Variants in PHLDB2 observed in about 807,000 individuals in gnomAD.
PHLDB2 encodes pleckstrin homology like domain family B member 2, also known as pleckstrin homology-like domain family B member 2.
PHLDB2 carries 71 observed loss-of-function variants against 123.6 expected under a neutral mutation model. The ratio of observed to expected loss-of-function variants is 0.57; its 90% confidence interval spans 0.47 to 0.70. The LOEUF (loss-of-function observed/expected upper bound fraction) is 0.70, where lower values mean the gene tolerates loss of function less well. PHLDB2 is among the 30% of genes least tolerant of loss of function. PHLDB2 has a pLI of 0.00. For synonymous variants in PHLDB2, 547 were observed against 541.6 expected, an observed-to-expected ratio of 1.01 and a Z score of -0.14; for missense variants, 1,446 against 1,519.5, an observed-to-expected ratio of 0.95 and a Z score of 0.80.
rs373949073 is a variant in PHLDB2 at position 111,776,618 on chromosome 3, G to T, written c.-49+43915G>T. Among the ~76,000 whole-genome samples the T allele has an allele frequency of 3.0e-4, 45 of 152,118 alleles. No individual in the cohort carries two copies. The East Asian group carries it at 7.6e-3, about 26-fold the overall frequency. Reference sequence around the variant, plus strand: ...AGAAAACTGGAAAATGTGAAGGAAGGGATTTGTAATAACTCATACACCTAG... The same window carrying T: ...AGAAAACTGGAAAATGTGAAGGAAGTGATTTGTAATAACTCATACACCTAG... On this transcript the variant is annotated intron_variant, in intron 1 of 17. Coordinates refer to the PHLDB2 transcript ENST00000393923.
chr3:111,830,445 T>C (rs2062889605), intron 1 of PHLDB2, among the ~76,000 whole-genome samples: 1 of 149,886 alleles, frequency 6.7e-6, no homozygotes, highest in Non-Finnish European at 1.5e-5. Flanking sequence ...AAAAAGAATA[T>C]ATGTGGCTTC....
At chr3:111,769,495 T>C (rs1210607708) in intron 1 of PHLDB2, among the ~76,000 whole-genome samples, 1 of 152,224 alleles carries the variant, frequency 6.6e-6, no homozygotes, top group Non-Finnish European at 1.5e-5. Flanking sequence ...TTCCCTCATC[T>C]GAACAGTTTG....
intron 10 of PHLDB2, chr3:111,949,675 T>C (rs1577169088): frequency 1.1e-6 from 1 of 951,154 alleles, no homozygotes. Flanking sequence ...TGTGGACACA[T>C]ATATACCTTT....
At chr3:111,810,086 A>G (rs1209808954) in intron 1 of PHLDB2, among the ~76,000 whole-genome samples, 16 of 152,116 alleles carry the variant, frequency 1.1e-4, no homozygotes, top group Admixed American at 1.0e-3. Flanking sequence ...TAACAATCCT[A>G]AGGAAACACC....
At chr3:111,752,190 C>T (rs181364651) in intron 1 of PHLDB2, among the ~76,000 whole-genome samples, 172 of 150,554 alleles carry the variant, frequency 1.1e-3, no homozygotes, top group African/African-American at 4.0e-3. Flanking sequence ...TGCTTCTCTC[C>T]GCATTTCTCT....
intron 1 of PHLDB2, among the ~76,000 whole-genome samples, chr3:111,750,802 C>T (rs1291080450): frequency 4.0e-5 from 6 of 151,864 alleles, no homozygotes; most frequent in African/African-American, 7.3e-5. Context: ...AAAAATTAGC[C>T]GGGCATGGTG....
At chr3:111,814,142 T>G (rs1399970796) in intron 1 of PHLDB2, among the ~76,000 whole-genome samples, 1 of 152,150 alleles carries the variant, frequency 6.6e-6, no homozygotes. Flanking sequence ...CTGAGTGGAT[T>G]GAAGGATACA....
chr3:111,822,317 G>GTGTGTGTGTGTGTGTATA (rs1553734228), intron 1 of PHLDB2, among the ~76,000 whole-genome samples: 14 of 147,794 alleles, frequency 9.5e-5, no homozygotes, highest in African/African-American at 3.3e-4. Flanking sequence ...GTGTGTGTGT[G>GTGTGTGTGTGTGTGTATA]TATATATATA....
chr3:111,739,621 GGCTACA>G (rs2059569749), intron 1 of PHLDB2, among the ~76,000 whole-genome samples: 1 of 147,410 alleles, frequency 6.8e-6, no homozygotes, highest in African/African-American at 2.5e-5. Context: ...AATGGTCACA[GGCTACA>G]GAAAAGCTTT....
intron 1 of PHLDB2, among the ~76,000 whole-genome samples, chr3:111,826,107 A>G (rs7629571): frequency 0.21 from 31,567 of 151,802 alleles, 5,140 homozygotes; most frequent in African/African-American, 0.43. Context: ...TTCGAGACCC[A>G]CCTGGCCAAC....
chr3:111,771,182 ATGGG>A (rs1201499617), intron 1 of PHLDB2, among the ~76,000 whole-genome samples: 2 of 152,184 alleles, frequency 1.3e-5, no homozygotes, highest in African/African-American at 4.8e-5. Flanking sequence ...AGTACCACAA[ATGGG>A]TGGCTTACAC....
chr3:111,859,659 C>T (rs2108642564), intron 1 of PHLDB2, 83 bp downstream of exon 1: 1 of 985,256 alleles, frequency 1.0e-6, no homozygotes, highest in South Asian at 4.7e-5. Flanking sequence ...GACGCTGCCT[C>T]CCCCGCGGCC....
chr3:111,762,093 T>A (rs192808864), intron 1 of PHLDB2, among the ~76,000 whole-genome samples: 1 of 152,296 alleles, frequency 6.6e-6, no homozygotes, highest in African/African-American at 2.4e-5. Context: ...GACCAGCGTC[T>A]TAGCTATTAG....
At chr3:111,782,182 T>C (rs950495077) in intron 1 of PHLDB2, among the ~76,000 whole-genome samples, 8 of 152,078 alleles carry the variant, frequency 5.3e-5, no homozygotes, top group Non-Finnish European at 1.2e-4. Flanking sequence ...TAGTAGAATC[T>C]AGAGATGGGT....
intron 1 of PHLDB2, among the ~76,000 whole-genome samples, chr3:111,822,295 ATGTGTGTG>A (rs35687126): frequency 6.9e-6 from 1 of 144,030 alleles, no homozygotes; most frequent in Non-Finnish European, 1.5e-5. Flanking sequence ...ATCTTTATGT[ATGTGTGTG>A]TGTGTGTGTG....
chr3:111,942,361 T>C (rs1307129601), intron 8 of PHLDB2, among the ~76,000 whole-genome samples: 1 of 152,226 alleles, frequency 6.6e-6, no homozygotes, highest in Non-Finnish European at 1.5e-5. Flanking sequence ...ATCTTCATTA[T>C]TCAGGGATTC....
intron 1 of PHLDB2, among the ~76,000 whole-genome samples, chr3:111,875,721 G>C (rs1055906472): frequency 1.3e-5 from 2 of 151,430 alleles, no homozygotes; most frequent in Non-Finnish European, 2.9e-5. Flanking sequence ...TACTGGGGAG[G>C]CTGAGGCAGG....
At chr3:111,886,034 G>C (rs2066142606) in intron 2 of PHLDB2, among the ~76,000 whole-genome samples, 1 of 152,250 alleles carries the variant, frequency 6.6e-6, no homozygotes, top group South Asian at 2.1e-4. Context: ...TATACTTATT[G>C]TTGAAATATT....
chr3:111,872,449 CT>C (rs553543486), intron 1 of PHLDB2, among the ~76,000 whole-genome samples: 18 of 152,164 alleles, frequency 1.2e-4, no homozygotes, highest in Non-Finnish European at 1.9e-4. Context: ...TTGTCAATGC[CT>C]CTTGTGTGCT....
Sources: gnomAD v4.1 joint callset for allele counts (sites outside exome capture counted in the v4.1 genomes callset) on GRCh38, gnomAD v4.1.1 for gene constraint, MANE v1.5 for transcripts, NCBI Gene and HGNC (gene_info 2026-07-23, HGNC 2026-07-21) for gene names.